The following ACADS variants were observed in gnomAD, a reference collection of about 807,000 sequenced individuals.
ACADS encodes the protein acyl-CoA dehydrogenase short chain.
In ACADS, 28 loss-of-function variants were observed where a neutral mutation model predicts 46.8. That is an observed-to-expected ratio of 0.60 (90% confidence interval 0.44 to 0.82). The LOEUF (loss-of-function observed/expected upper bound fraction) is 0.82. Among genes scored for constraint, ACADS ranks in the 40% least tolerant of loss-of-function variants. The probability of loss-of-function intolerance (pLI) is 0.00; values close to 1 mark genes in which losing one functional copy is unlikely to be tolerated. For synonymous variants in ACADS, 236 were observed against 237.7 expected (o/e 0.99, Z 0.07); for missense variants, 528 against 578.0 (o/e 0.91, Z 0.89).
chr12:120,726,220 T>C (rs562877438), intron 1 of ACADS, among the ~76,000 whole-genome samples: 2 of 151,620 alleles, frequency 1.3e-5, no homozygotes, highest in Admixed American at 1.3e-4. Context: ...AGGTTCAGGG[T>C]GCGTCCTTCT....
In ACADS at chr12:120,738,636, T is replaced by C. The variant is rs1382317439; in HGVS notation, c.899T>C (p.Phe300Ser). The C allele has an allele frequency of 6.2e-7, 1 of 1,612,954 alleles. No individual in the cohort carries two copies. The highest frequency in any genetic ancestry group is 1.1e-5 in the South Asian group (1 of 91,088). The change falls in exon 7 of 10, where the codon TTC becomes TCC. Residue 300 changes from phenylalanine (F) to serine (S), a missense_variant. Transcript: ENST00000242592. ...AVNYAENRMA[F>S]GAPLTKLQVI... The stretch of plus-strand genomic sequence containing the variant: ...AACTACGCTGAGAATCGCATGGCCT[T>C]CGGGGCGCCCCTCACCAAGCTCCAG...
At chr12:120,732,873 C>T (rs182408327) in intron 2 of ACADS, among the ~76,000 whole-genome samples, 171 of 152,396 alleles carry the variant, frequency 1.1e-3, no homozygotes, top group African/African-American at 4.0e-3. Flanking sequence ...AGGCAGGCGG[C>T]TGGGAGGTGG....
At chr12:120,735,372 A>AC (rs1883400592) in intron 2 of ACADS, among the ~76,000 whole-genome samples, 1 of 150,206 alleles carries the variant, frequency 6.7e-6, no homozygotes, top group African/African-American at 2.4e-5. Context: ...AAAAAAAAAA[A>AC]AACAACTTGG....
At chr12:120,735,271 CAAAAAA>C (rs71076650) in intron 2 of ACADS, among the ~76,000 whole-genome samples, 9 of 55,644 alleles carry the variant, frequency 1.6e-4, no homozygotes, top group Non-Finnish European at 2.8e-4. Flanking sequence ...GACTCTGTTT[CAAAAAA>C]AAAAAAAAAA....
intron 2 of ACADS, among the ~76,000 whole-genome samples, chr12:120,732,247 G>A (rs1883271162): frequency 1.3e-5 from 2 of 150,780 alleles, no homozygotes; most frequent in South Asian, 4.2e-4. Flanking sequence ...CGGACGGGGC[G>A]GCTGGCCGGG....
At chr12:120,726,198 C>T (rs1883079204) in intron 1 of ACADS, among the ~76,000 whole-genome samples, 1 of 151,706 alleles carries the variant, frequency 6.6e-6, no homozygotes, top group Non-Finnish European at 1.5e-5. Context: ...CCCTTCATTT[C>T]ACCCCCACTA....
rs777721148 is a variant in ACADS, at chr12:120,727,010, C to T, written c.47-16C>T. 5 of 1,613,954 alleles carry T rather than the reference C, an allele frequency of 3.1e-6. No homozygotes were observed. The African/African-American group carries it at 4.0e-5, about 13-fold the overall frequency. On this transcript the variant is annotated splice_polypyrimidine_tract_variant and intron_variant, in intron 1 of 9. Transcript: ENST00000242592. Reference sequence around the variant, plus strand: ...TCCTGCCTCCTCCTTCCACTCACTTCTGCCCTTGCCGGCAGCTCTCTGTCC... The same window carrying T: ...TCCTGCCTCCTCCTTCCACTCACTTTTGCCCTTGCCGGCAGCTCTCTGTCC...
rs2229533 is a variant in ACADS at position 120,739,453 on chromosome 12, G to A, written c.*5G>A. 6,915 of 1,606,178 alleles carry A rather than the reference G, an allele frequency of 4.3e-3. 250 individuals carry two copies. The African/African-American group carries it at 0.082, about 19-fold the overall frequency. On this transcript the variant is annotated 3_prime_UTR_variant, in exon 10 of 10. Coordinates refer to ENST00000242592, the MANE Select transcript of ACADS (RefSeq NM_000017.4). The stretch of plus-strand genomic sequence containing the variant: ...CTCAGGAGCTACCGGAGCTGAGCCC[G>A]CGGCGGACTGCCCCAGGACTGCGGG...
At chr12:120,736,643 G>C (rs1249200609) in intron 2 of ACADS, among the ~76,000 whole-genome samples, 1 of 152,154 alleles carries the variant, frequency 6.6e-6, no homozygotes, top group Non-Finnish European at 1.5e-5. Flanking sequence ...TGTGCAGAGG[G>C]GGCTGGACGA....
chr12:120,733,236 G>GGGGAGA (rs377205641), intron 2 of ACADS, among the ~76,000 whole-genome samples: 42 of 151,724 alleles, frequency 2.8e-4, no homozygotes, highest in Admixed American at 7.2e-4. Flanking sequence ...GGGAGACCGG[G>GGGGAGA]GGGAGAGGGA....
intron 4 of ACADS, 109 bp downstream of exon 4, chr12:120,737,576 C>T: frequency 8.5e-7 from 1 of 1,179,164 alleles, no homozygotes; most frequent in Non-Finnish European, 1.2e-6. Context: ...GGGAGGCTCC[C>T]CGTGTGGTTG....
chr12:120,736,411 A>G (rs1387615945), intron 2 of ACADS, among the ~76,000 whole-genome samples: 1 of 152,192 alleles, frequency 6.6e-6, no homozygotes, highest in Non-Finnish European at 1.5e-5. Flanking sequence ...GTGAAGGCAA[A>G]AGACCTTAAT....
At position 120,737,415 on chromosome 12, in the gene ACADS, CACG is replaced by C. The variant is rs763015349; in HGVS notation, c.421_423del (p.Thr141del). 6.2e-7 allele frequency: 1 copy of C among 1,614,178 alleles called. No homozygotes were observed. Among genetic ancestry groups the C allele is most frequent in the Non-Finnish European group, 8.5e-7 (1 of 1,180,032 alleles). On this transcript the variant is annotated inframe_deletion, in exon 4 of 10. Coordinates refer to ENST00000242592, the MANE Select transcript of ACADS (RefSeq NM_000017.4). ...CCAAGGAGCAGAAGCAGGCGTGGGT[CACG>C]CCTTTCACCAGTGGTGACAAAATTG... is the stretch of plus-strand genomic sequence containing the variant.
chr12:120,735,779 A>G (rs1883415488), intron 2 of ACADS, among the ~76,000 whole-genome samples: 1 of 151,886 alleles, frequency 6.6e-6, no homozygotes, highest in Non-Finnish European at 1.5e-5. Flanking sequence ...GGCACCTGTA[A>G]TCTCAGCTAC....
chr12:120,728,151 T>C lies in ACADS; in HGVS notation c.210+962T>C, dbSNP rs1039043101. ...CAGTAGAGATGGGGTTTCTCCATGT[T>C]GGGCAGGCTGGTCTCAAACTCCTGA... On this transcript the variant is annotated intron_variant, in intron 2 of 9. Transcript: ENST00000242592. The surrounding 1 kb of genome is among the most constrained non-coding windows in gnomAD (Gnocchi z 4.0). Among the ~76,000 whole-genome samples, 6 of 151,996 alleles carry C rather than the reference T, an allele frequency of 3.9e-5. No homozygotes were observed. The highest frequency in any genetic ancestry group is 7.4e-5 in the Non-Finnish European group (5 of 68,008).
chr12:120,739,004 C>CG, intron 8 of ACADS, 89 bp downstream of exon 8: 1 of 1,591,852 alleles, frequency 6.3e-7, no homozygotes, highest in African/African-American at 1.3e-5. Flanking sequence ...TCCTTGGCCC[C>CG]GTGGGTCAGA....
intron 2 of ACADS, among the ~76,000 whole-genome samples, chr12:120,729,180 A>G (rs989612581): frequency 2.6e-5 from 4 of 151,968 alleles, no homozygotes; most frequent in Non-Finnish European, 5.9e-5. Flanking sequence ...GTTAATTACC[A>G]TCAATTTACA....
chr12:120,739,244 G>A (rs936141551), intron 9 of ACADS, 48 bp downstream of exon 9: 19 of 1,612,860 alleles, frequency 1.2e-5, no homozygotes, highest in African/African-American at 2.7e-5. Flanking sequence ...CCCTTCTCCA[G>A]CTTTCCCCAC....
rs1883405294 is a variant in ACADS at position 120,735,481 on chromosome 12, A to G, written c.211-1505A>G. On this transcript the variant is annotated intron_variant, in intron 2 of 9. Coordinates refer to ENST00000242592, the MANE Select transcript of ACADS (RefSeq NM_000017.4). ...TATTATCTCAGTCAGGCCTCAGAAC[A>G]GTCCTTTGAGGTGAGTACTGTTTTG... Among the ~76,000 whole-genome samples the G allele has an allele frequency of 2.0e-5, 3 of 151,822 alleles. No homozygotes were observed. In the South Asian group the frequency reaches 6.2e-4, roughly 32 times the overall value.
Sources: allele counts gnomAD v4.1 joint callset (sites outside exome capture counted in the v4.1 genomes callset), GRCh38; gene constraint gnomAD v4.1.1; non-coding constraint Gnocchi (gnomAD v3.1); transcripts MANE v1.5; gene names NCBI Gene and HGNC (gene_info 2026-07-23, HGNC 2026-07-21).